ZNF787: variants seen among roughly 807,000 people sequenced by gnomAD.
ZNF787 encodes TTF-I-interacting peptide 20.
A neutral mutation model predicts 16.9 loss-of-function variants in ZNF787; 7 were observed. The observed-to-expected ratio is 0.42, with a 90% CI of 0.24 to 0.78. The LOEUF (loss-of-function observed/expected upper bound fraction) is 0.78, where lower values mean the gene tolerates loss of function less well. Among genes scored for constraint, ZNF787 ranks in the 30% least tolerant of loss-of-function variants. The pLI, the probability that ZNF787 is intolerant of heterozygous loss-of-function variation, is 0.30. For synonymous variants in ZNF787, 345 were observed against 270.9 expected, an observed-to-expected ratio of 1.27 and a Z score of -2.69; for missense variants, 551 against 589.3, an observed-to-expected ratio of 0.94 and a Z score of 0.67.
At chr19:56,096,661 C>T (rs1345629412) in intron 2 of ZNF787, among the ~76,000 whole-genome samples, 4 of 148,854 alleles carry the variant, frequency 2.7e-5, no homozygotes, top group African/African-American at 5.0e-5. Context: ...TGCAGTGAGC[C>T]GAGATCGTGC....
chr19:56,100,112 G>C (rs1457773406), intron 2 of ZNF787, among the ~76,000 whole-genome samples: 1 of 152,194 alleles, frequency 6.6e-6, no homozygotes, highest in Non-Finnish European at 1.5e-5. Flanking sequence ...ACGGAAGTCA[G>C]GAGCTGAGGA....
At chr19:56,091,902 A>T (rs957989366) in intron 2 of ZNF787, among the ~76,000 whole-genome samples, 17 of 37,038 alleles carry the variant, frequency 4.6e-4, no homozygotes, top group African/African-American at 2.7e-3. Flanking sequence ...CACTTGCCGC[A>T]GCCGCAGCCG....
chr19:56,089,386 C>T (rs879784037), intron 2 of ZNF787, among the ~76,000 whole-genome samples: 3 of 152,032 alleles, frequency 2.0e-5, no homozygotes, highest in Admixed American at 1.3e-4. Context: ...GAGGCATGGG[C>T]GAGGGGCGGG....
intron 1 of ZNF787, among the ~76,000 whole-genome samples, chr19:56,105,775 T>C (rs1194087715): frequency 6.6e-6 from 1 of 152,150 alleles, no homozygotes; most frequent in African/African-American, 2.4e-5. Context: ...CCATGTAAAG[T>C]GTACGATGCA....
intron 2 of ZNF787, among the ~76,000 whole-genome samples, chr19:56,089,474 G>C (rs531130646): frequency 1.3e-4 from 20 of 152,260 alleles, no homozygotes; most frequent in African/African-American, 4.1e-4. Context: ...GATGAGGAAG[G>C]CTCACGGGCA....
chr19:56,116,596 T>C (rs759888445), intron 1 of ZNF787, among the ~76,000 whole-genome samples: 5 of 151,620 alleles, frequency 3.3e-5, no homozygotes, highest in Non-Finnish European at 5.9e-5. Context: ...ACACTAAAAA[T>C]AAAGCCTTTA....
At chr19:56,112,308 GC>G (rs549119294) in intron 1 of ZNF787, among the ~76,000 whole-genome samples, 55 of 152,234 alleles carry the variant, frequency 3.6e-4, no homozygotes, top group African/African-American at 1.3e-3. Context: ...TCCCTTACCA[GC>G]CTCCGTTTCT....
At chr19:56,092,671 T>C (rs555432003) in intron 2 of ZNF787, among the ~76,000 whole-genome samples, 3 of 152,160 alleles carry the variant, frequency 2.0e-5, no homozygotes, top group Non-Finnish European at 4.4e-5. Flanking sequence ...CTCAAGGACA[T>C]AGGGGATGAC....
At chr19:56,101,111 C>T (rs1246046477) in intron 2 of ZNF787, among the ~76,000 whole-genome samples, 1 of 151,060 alleles carries the variant, frequency 6.6e-6, no homozygotes, top group Non-Finnish European at 1.5e-5. Flanking sequence ...CCTACGATGT[C>T]TGTCACTGTC....
intron 1 of ZNF787, among the ~76,000 whole-genome samples, chr19:56,120,557 T>C (rs1164177150): frequency 1.3e-5 from 2 of 152,164 alleles, no homozygotes; most frequent in Admixed American, 6.5e-5. Context: ...ATCCCCGTAA[T>C]TACCCGCCTG....
At chr19:56,111,729 G>T (rs1183094329) in intron 1 of ZNF787, among the ~76,000 whole-genome samples, 1 of 152,100 alleles carries the variant, frequency 6.6e-6, no homozygotes, top group Non-Finnish European at 1.5e-5. Context: ...AGAAGAGGGA[G>T]GGGCCGACAC....
Position 56,096,478 on chromosome 19 carries a change from G to A in ZNF787, c.79+6661C>T, listed in dbSNP as rs1057212017. On this transcript the variant is annotated intron_variant, in intron 2 of 2. Transcript: ENST00000610935. The stretch of plus-strand genomic sequence containing the variant: ...GCCTGTAATCACAACACTTTGGGAG[G>A]CCGAGGCGGGTGGATCACGAGGGCA... Among the ~76,000 whole-genome samples, 3 of 151,926 alleles carry A rather than the reference G, an allele frequency of 2.0e-5. No homozygotes were observed. In the East Asian group the frequency reaches 5.9e-4, roughly 30 times the overall value.
At chr19:56,103,337 G>C (rs1008689533) in intron 1 of ZNF787, 110 bp from the exon 2 acceptor site, 7 of 900,548 alleles carry the variant, frequency 7.8e-6, no homozygotes, top group Non-Finnish European at 1.2e-5. Flanking sequence ...CACAGCGCCC[G>C]GCAGACAAGG....
At chr19:56,100,829 T>C (rs1326740482) in intron 2 of ZNF787, among the ~76,000 whole-genome samples, 58 of 79,316 alleles carry the variant, frequency 7.3e-4, no homozygotes, top group East Asian at 1.5e-3. Context: ...CCCCCGCCAC[T>C]CCACCCCCAC....
In ZNF787 at chr19:56,088,002, C is replaced by CAAGCCCGAGGGGCCCTGCCCG; in HGVS notation, c.*20_*21insCGGGCAGGGCCCCTCGGGCTT. The CAAGCCCGAGGGGCCCTGCCCG allele has an allele frequency of 4.4e-5, 2 of 45,538 alleles. No individual in the cohort carries two copies. Among genetic ancestry groups the CAAGCCCGAGGGGCCCTGCCCG allele is most frequent in the Non-Finnish European group, 4.2e-5 (1 of 23,934 alleles). 2.8% of individuals were successfully genotyped at this position (45,538 alleles called of 1,614,324 possible). A position where few individuals can be genotyped will look rare whatever the true frequency, so the allele number is the denominator to read the frequency against. ...GCCAAGCCCGAGGGGCCCTGCCCGC[C>CAAGCCCGAGGGGCCCTGCCCG]CCCCCCCCCGGGCCCCTCCCCTACC... On this transcript the variant is annotated 3_prime_UTR_variant, in exon 3 of 3. Transcript: ENST00000610935. This position sits in a 1 kb window ranked among gnomAD's most constrained non-coding sequence, Gnocchi z 8.6.
chr19:56,117,844 C>T (rs1212834700), intron 1 of ZNF787, among the ~76,000 whole-genome samples: 1 of 152,212 alleles, frequency 6.6e-6, no homozygotes, highest in Non-Finnish European at 1.5e-5. Flanking sequence ...CTGGCTGGAC[C>T]CTGGGCTGAG....
rs1985373660 is a variant in ZNF787, at chr19:56,087,996, G to A, written c.*27C>T. The A allele has an allele frequency of 5.2e-6, 6 of 1,157,730 alleles. No individual in the cohort carries two copies. The highest frequency in any genetic ancestry group is 2.3e-5 in the African/African-American group (1 of 42,714). The allele number at this position is 1,157,730 out of a possible 1,614,324, so 71.7% of individuals were successfully genotyped here. A position where few individuals can be genotyped will look rare whatever the true frequency, so the allele number is the denominator to read the frequency against. ...GCTCCCGCCAAGCCCGAGGGGCCCT[G>A]CCCGCCCCCCCCCCCGGGCCCCTCC... On this transcript the variant is annotated 3_prime_UTR_variant, in exon 3 of 3. Transcript: ENST00000610935.
rs773221633 is a variant in ZNF787, at chr19:56,088,036, C to A, written c.1136G>T (p.Gly379Val). Reference protein sequence around the residue: ...AGGRCPECRGGEGR With the variant: ...AGGRCPECRGVEGR ...CGGGCCCCTCCCCTACCGGCCCTCC[C>A]CACCGCGGCACTCGGGGCACCGCCC... The change falls in exon 3 of 3, where the codon GGG (glycine) becomes GTG (valine). Residue 379 changes from glycine to valine, a missense_variant. By Grantham distance (109) the Gly-to-Val change is moderately radical. This residue lies in a region of ZNF787 where 392 missense variants were observed against 312.7 expected (regional missense o/e 1.25). Transcript: ENST00000610935. This position sits in a 1 kb window ranked among gnomAD's most constrained non-coding sequence, Gnocchi z 8.6. 1.2e-5 allele frequency: 16 copies of A among 1,309,056 alleles called. No homozygotes were observed. The highest frequency in any genetic ancestry group is 1.6e-5 in the Non-Finnish European group (16 of 1,027,330). 81.1% of individuals were successfully genotyped at this position (1,309,056 alleles called of 1,614,324 possible).
chr19:56,096,974 GTCA>G (rs1411761967), intron 2 of ZNF787, among the ~76,000 whole-genome samples: 1 of 152,100 alleles, frequency 6.6e-6, no homozygotes, highest in African/African-American at 2.4e-5. Context: ...TCCATCTGGG[GTCA>G]TCAGGAGAAA....
Sources: allele counts gnomAD v4.1 joint callset (sites outside exome capture counted in the v4.1 genomes callset), GRCh38; gene constraint gnomAD v4.1.1; regional missense constraint gnomAD v4.1.1; non-coding constraint Gnocchi (gnomAD v3.1); transcripts MANE v1.5; gene names NCBI Gene and HGNC (gene_info 2026-07-23, HGNC 2026-07-21).